COL4A5: variants seen among roughly 807,000 people sequenced by gnomAD.
The protein encoded by COL4A5 is collagen alpha-5(IV) chain.
COL4A5 carries 26 observed loss-of-function variants against 130.2 expected under a neutral mutation model. The ratio of observed to expected loss-of-function variants is 0.20; its 90% CI spans 0.15 to 0.28. The LOEUF (loss-of-function observed/expected upper bound fraction) is 0.28, where lower values mean the gene tolerates loss of function less well. Ranked by LOEUF, COL4A5 falls within the 10% of genes least tolerant of loss-of-function variation. The probability of loss-of-function intolerance (pLI) is 1.00; values close to 1 mark genes in which losing one functional copy is unlikely to be tolerated. For synonymous variants in COL4A5, 496 were observed against 439.6 expected, an observed-to-expected ratio of 1.13 and a Z score of -1.60; for missense variants, 1,131 against 1,344.3, an observed-to-expected ratio of 0.84 and a Z score of 2.48.
rs183303550 is a variant in COL4A5, at chrX:108,598,513, G to A, written c.1780-189G>A. 7.2e-5 allele frequency among the ~76,000 whole-genome samples: 8 copies of A among 111,870 alleles called. No individual in the cohort carries two copies. In the East Asian group the frequency reaches 2.3e-3, roughly 31 times the overall value. On this transcript the variant is annotated intron_variant, in intron 24 of 52. Coordinates refer to ENST00000328300, the MANE Select transcript of COL4A5 (RefSeq NM_033380.3). ...CACCAGCACTTGACACATAGTAGGA[G>A]CCCAAAAATATTTGTTGGAGGAATG...
At chrX:108,571,942 C>A in intron 8 of COL4A5, 105 bp downstream of exon 8, 1 of 667,885 alleles carries the variant, frequency 1.5e-6, no homozygotes, top group South Asian at 2.4e-5. Flanking sequence ...ATCGATGTTT[C>A]TAGAAGTTGT....
At chrX:108,472,098 T>C (rs2064777745) in intron 1 of COL4A5, among the ~76,000 whole-genome samples, 1 of 111,942 alleles carries the variant, frequency 8.9e-6, no homozygotes, top group African/African-American at 3.2e-5. Flanking sequence ...CTTTGACCTA[T>C]TGGTTGTTTA....
At chrX:108,460,552 C>T (rs1033623254) in intron 1 of COL4A5, among the ~76,000 whole-genome samples, 2 of 107,078 alleles carry the variant, frequency 1.9e-5, no homozygotes, top group African/African-American at 3.4e-5. Flanking sequence ...TGAAATGGTG[C>T]GGTCTTGGCA....
chrX:108,543,054 G>T (rs971798005), intron 2 of COL4A5, among the ~76,000 whole-genome samples: 1 of 111,015 alleles, frequency 9.0e-6, no homozygotes, highest in African/African-American at 3.3e-5. Context: ...CCATTTTGTA[G>T]GTTGCCTGTT....
intron 49 of COL4A5, chrX:108,690,104 A>G (rs968813479): frequency 3.6e-6 from 2 of 560,914 alleles, no homozygotes; most frequent in African/African-American, 2.5e-5. Context: ...AAGCACTTTC[A>G]TGTCCATTGT....
At chrX:108,650,932 T>A (rs73530105) in intron 36 of COL4A5, among the ~76,000 whole-genome samples, 11,632 of 109,479 alleles carry the variant, frequency 0.11, 1,346 homozygotes, top group African/African-American at 0.34. Flanking sequence ...ATGGAAAAAT[T>A]AAAAAAAACA....
intron 25 of COL4A5, among the ~76,000 whole-genome samples, chrX:108,600,141 G>C (rs1258819429): frequency 3.6e-5 from 4 of 112,242 alleles, no homozygotes; most frequent in Non-Finnish European, 5.6e-5. Flanking sequence ...TTGCTTTTGT[G>C]AAATGCCTAA....
At chrX:108,692,713 C>T (rs1237385852) in intron 49 of COL4A5, 35 bp from the exon 50 acceptor site, 1 of 1,183,984 alleles carries the variant, frequency 8.4e-7, no homozygotes. Context: ...CATTATCACG[C>T]AGTCCTTTAC....
chrX:108,545,529 G>T (rs1477718155), intron 2 of COL4A5, among the ~76,000 whole-genome samples: 5 of 111,431 alleles, frequency 4.5e-5, no homozygotes, highest in African/African-American at 1.6e-4. Context: ...TACTTCCAAT[G>T]ATGTGGTCAA....
intron 20 of COL4A5, 106 bp from the exon 21 acceptor site, chrX:108,591,455 T>TGAAGACC: frequency 1.4e-6 from 1 of 721,694 alleles, no homozygotes; most frequent in Non-Finnish European, 2.2e-6. Context: ...ATAGGTACTT[T>TGAAGACC]TATTTCTTCA....
intron 49 of COL4A5, chrX:108,689,453 A>G (rs1374758597): frequency 2.7e-6 from 2 of 752,967 alleles, no homozygotes; most frequent in Non-Finnish European, 3.1e-6. Flanking sequence ...TGTAATTATA[A>G]CTTTTCAGAA....
At position 108,648,899 on chromosome X, in the gene COL4A5, G is replaced by A. The variant is rs971557584; in HGVS notation, c.3247-6432G>A. On this transcript the variant is annotated intron_variant, in intron 36 of 52. Coordinates refer to ENST00000328300, the MANE Select transcript of COL4A5 (RefSeq NM_033380.3). ...CTGGAAGTCCTAGCTAGAACAATCAGACAAGAGAAAGAAAAAAAGAACATC... is the reference window on the plus strand; with the variant it reads ...CTGGAAGTCCTAGCTAGAACAATCAAACAAGAGAAAGAAAAAAAGAACATC... 1.8e-5 allele frequency among the ~76,000 whole-genome samples: 2 copies of A among 110,939 alleles called. 1 individual carries two copies. The highest frequency in any genetic ancestry group is 7.6e-4 in the South Asian group (2 of 2,626).
At chrX:108,669,488 A>G (rs747191471) in intron 41 of COL4A5, among the ~76,000 whole-genome samples, 2 of 111,854 alleles carry the variant, frequency 1.8e-5, no homozygotes, top group East Asian at 5.6e-4. Context: ...TTCAAAACCA[A>G]ATTTTATCTG....
At chrX:108,666,898 T>G (rs1323507503) in intron 39 of COL4A5, among the ~76,000 whole-genome samples, 2 of 112,499 alleles carry the variant, frequency 1.8e-5, no homozygotes, top group East Asian at 5.6e-4. Context: ...ATTTATATTT[T>G]TTTCTTATAA....
At chrX:108,547,966 T>A (rs1346288391) in intron 2 of COL4A5, among the ~76,000 whole-genome samples, 1 of 111,737 alleles carries the variant, frequency 8.9e-6, no homozygotes, top group African/African-American at 3.3e-5. Flanking sequence ...AAAAGTGCAG[T>A]ATTAGGGTGG....
At chrX:108,641,772 C>G (rs1171912094) in intron 36 of COL4A5, among the ~76,000 whole-genome samples, 1 of 111,872 alleles carries the variant, frequency 8.9e-6, no homozygotes, top group East Asian at 2.8e-4. Context: ...CCATTCCTGC[C>G]TGGCACCACA....
chrX:108,657,200 AT>A (rs1305459612), intron 37 of COL4A5, among the ~76,000 whole-genome samples: 12 of 110,384 alleles, frequency 1.1e-4, no homozygotes, highest in Non-Finnish European at 1.9e-4. Context: ...GTCAAGGTTC[AT>A]TTTTTTTCCA....
At chrX:108,668,556 G>T (rs1216524342) in intron 41 of COL4A5, 52 bp downstream of exon 41, 8 of 989,183 alleles carry the variant, frequency 8.1e-6, no homozygotes, top group Non-Finnish European at 1.1e-5. Flanking sequence ...CATGTATTTC[G>T]TTTTGCTGGC....
intron 1 of COL4A5, among the ~76,000 whole-genome samples, chrX:108,446,472 A>AT (rs1379206187): frequency 1.8e-5 from 2 of 112,195 alleles, no homozygotes; most frequent in African/African-American, 6.5e-5. Context: ...GTTAAACGCT[A>AT]TAAGTATTTT....
Sources: gnomAD v4.1 joint callset for allele counts (sites outside exome capture counted in the v4.1 genomes callset) on GRCh38, gnomAD v4.1.1 for gene constraint, MANE v1.5 for transcripts, NCBI Gene and HGNC (gene_info 2026-07-23, HGNC 2026-07-21) for gene names.